PHACTR3: variants seen among roughly 807,000 people sequenced by gnomAD.
The protein encoded by PHACTR3 is phosphatase and actin regulator 3.
Under a neutral mutation model 66.8 loss-of-function variants are expected in PHACTR3, and 16 were observed. The observed-to-expected ratio is 0.24, with a 90% CI of 0.16 to 0.36. The LOEUF (loss-of-function observed/expected upper bound fraction) is 0.36, where lower values mean the gene tolerates loss of function less well. Ranked by LOEUF, PHACTR3 falls within the 10% of genes least tolerant of loss-of-function variation. The pLI is 1.00. For missense variants in PHACTR3, 647 were observed against 719.9 expected, an observed-to-expected ratio of 0.90 and a Z score of 1.16; for synonymous variants, 323 against 292.1, an observed-to-expected ratio of 1.11 and a Z score of -1.08.
At position 59,666,881 on chromosome 20, in the gene PHACTR3, C is replaced by A. The variant is rs554608183; in HGVS notation, c.118+61749C>A. Among the ~76,000 whole-genome samples the A allele has an allele frequency of 2.6e-5, 4 of 152,322 alleles. No individual in the cohort carries two copies. In the South Asian group the frequency reaches 8.3e-4, roughly 32 times the overall value. On this transcript the variant is annotated intron_variant, in intron 1 of 12. Coordinates refer to ENST00000371015, the MANE Select transcript of PHACTR3 (RefSeq NM_080672.5). ...AAACTGGTCTGAGTGGGCTTCTGGT[C>A]CTTACACGGTGTAATCTTTAAAACA...
At chr20:59,662,839 C>T (rs1301885700) in intron 1 of PHACTR3, among the ~76,000 whole-genome samples, 2 of 152,108 alleles carry the variant, frequency 1.3e-5, no homozygotes, top group African/African-American at 4.8e-5. Context: ...GACATTCATG[C>T]CACATGGTGA....
intron 1 of PHACTR3, among the ~76,000 whole-genome samples, chr20:59,702,817 A>G (rs1411986835): frequency 6.6e-6 from 1 of 152,240 alleles, no homozygotes; most frequent in Non-Finnish European, 1.5e-5. Flanking sequence ...CAGGAAAAGC[A>G]CATCTCCAAT....
chr20:59,765,191 G>A (rs1034691761), intron 4 of PHACTR3, among the ~76,000 whole-genome samples: 8 of 152,208 alleles, frequency 5.3e-5, no homozygotes, highest in African/African-American at 1.9e-4. Flanking sequence ...CAACTAATCA[G>A]AGTTGTAGAC....
chr20:59,730,049 G>C (rs1251619057), intron 1 of PHACTR3, among the ~76,000 whole-genome samples: 1 of 152,138 alleles, frequency 6.6e-6, no homozygotes, highest in African/African-American at 2.4e-5. Flanking sequence ...ATCTCCTTTT[G>C]GTTCTCATAT....
At chr20:59,631,557 A>G (rs908243270) in intron 1 of PHACTR3, among the ~76,000 whole-genome samples, 5 of 152,156 alleles carry the variant, frequency 3.3e-5, no homozygotes, top group African/African-American at 9.7e-5. Context: ...GGAGTTGCCA[A>G]CTTTTATATT....
intron 1 of PHACTR3, among the ~76,000 whole-genome samples, chr20:59,726,716 C>T (rs1239688054): frequency 6.6e-6 from 1 of 152,088 alleles, no homozygotes; most frequent in East Asian, 1.9e-4. Context: ...TTTGCATTTT[C>T]CTGAATATTA....
chr20:59,750,751 G>T (rs2039549742), intron 3 of PHACTR3, among the ~76,000 whole-genome samples: 1 of 152,166 alleles, frequency 6.6e-6, no homozygotes, highest in Non-Finnish European at 1.5e-5. Flanking sequence ...GGGTTGCTCT[G>T]GGAGGGGACT....
At chr20:59,839,654 G>A (rs114659021) in intron 9 of PHACTR3, among the ~76,000 whole-genome samples, 1,823 of 152,208 alleles carry the variant, frequency 0.012, 36 homozygotes, top group African/African-American at 0.04. Context: ...GTCTATTTTT[G>A]GCTTCCAAGG....
chr20:59,822,212 AGCCATCCCACCCCCTCCCCT>A (rs2145425795), intron 8 of PHACTR3, among the ~76,000 whole-genome samples: 1 of 15,250 alleles, frequency 6.6e-5, no homozygotes, highest in African/African-American at 5.1e-4. Flanking sequence ...CCCCCTCCGC[AGCCATCCCACCCCCTCCCCT>A]GCCATCCCAC....
chr20:59,815,961 A>T (rs1343590320), intron 8 of PHACTR3, among the ~76,000 whole-genome samples: 1 of 152,084 alleles, frequency 6.6e-6, no homozygotes, highest in Non-Finnish European at 1.5e-5. Flanking sequence ...TTTTCCATGG[A>T]CCAGGGAGGA....
In PHACTR3 at chr20:59,734,361, C is replaced by A. The variant is rs188019038; in HGVS notation, c.119-8746C>A. ...GGAATTCCTGAGCTCAAGCAATCCT[C>A]CTGCCTCAGCCTCCTGAGTTGCTGG... On this transcript the variant is annotated intron_variant, in intron 1 of 12. Coordinates refer to ENST00000371015, the MANE Select transcript of PHACTR3 (RefSeq NM_080672.5). Among the ~76,000 whole-genome samples the A allele has an allele frequency of 1.7e-3, 257 of 152,290 alleles. 3 individuals are homozygous for A. The highest frequency in any genetic ancestry group is 3.7e-3 in the East Asian group (19 of 5,188).
chr20:59,806,778 C>T (rs1212880327), intron 8 of PHACTR3, among the ~76,000 whole-genome samples: 1 of 152,206 alleles, frequency 6.6e-6, no homozygotes, highest in African/African-American at 2.4e-5. Context: ...ACTACACAAA[C>T]CCAGAGGGCG....
At chr20:59,586,902 G>C (rs1379257718) in intron 1 of PHACTR3, among the ~76,000 whole-genome samples, 1 of 152,228 alleles carries the variant, frequency 6.6e-6, no homozygotes, top group African/African-American at 2.4e-5. Context: ...TTTGAGCCTG[G>C]ACAGTCTGCT....
At chr20:59,624,056 C>T (rs1480585501) in intron 1 of PHACTR3, among the ~76,000 whole-genome samples, 1 of 151,876 alleles carries the variant, frequency 6.6e-6, no homozygotes, top group Admixed American at 6.6e-5. Context: ...GCTGGTGTGT[C>T]GCCTCTCGAT....
At chr20:59,778,182 T>A (rs1028741079) in intron 7 of PHACTR3, among the ~76,000 whole-genome samples, 1 of 152,148 alleles carries the variant, frequency 6.6e-6, no homozygotes, top group African/African-American at 2.4e-5. Flanking sequence ...TGTGCCACCA[T>A]TGCCCCATTT....
chr20:59,825,199 A>G (rs6128704), intron 8 of PHACTR3, among the ~76,000 whole-genome samples: 3,396 of 152,254 alleles, frequency 0.022, 101 homozygotes, highest in African/African-American at 0.068. Context: ...TGGCACACAT[A>G]CTGCCTTTTG....
intron 1 of PHACTR3, among the ~76,000 whole-genome samples, chr20:59,632,532 C>T (rs1288341058): frequency 1.3e-5 from 2 of 152,198 alleles, no homozygotes; most frequent in Non-Finnish European, 2.9e-5. Flanking sequence ...GAGAATGGAA[C>T]TAGCCCAAAG....
intron 1 of PHACTR3, among the ~76,000 whole-genome samples, chr20:59,637,801 T>A (rs1412393774): frequency 6.6e-6 from 1 of 151,982 alleles, no homozygotes; most frequent in East Asian, 1.9e-4. Flanking sequence ...TTTTGCTCGT[T>A]GAGAAGTTGC....
intron 7 of PHACTR3, among the ~76,000 whole-genome samples, chr20:59,787,692 A>G (rs1317261041): frequency 1.3e-5 from 2 of 152,192 alleles, no homozygotes; most frequent in African/African-American, 2.4e-5. Flanking sequence ...GAGAGTTTCC[A>G]GTGCCATTCC....
Sources: gnomAD v4.1 joint callset for allele counts (sites outside exome capture counted in the v4.1 genomes callset) on GRCh38, gnomAD v4.1.1 for gene constraint, MANE v1.5 for transcripts, NCBI Gene and HGNC (gene_info 2026-07-23, HGNC 2026-07-21) for gene names.